The following BRCC3 variants were observed in gnomAD, a reference collection of about 807,000 sequenced individuals.
The protein encoded by BRCC3 is BRCA1/BRCA2-containing complex subunit 3.
In BRCC3, 15 loss-of-function variants were observed where a neutral mutation model predicts 28.0. The observed-to-expected ratio is 0.54, with a 90% CI of 0.36 to 0.82. The LOEUF (loss-of-function observed/expected upper bound fraction) is 0.82, where lower values mean the gene tolerates loss of function less well. Ranked by LOEUF, BRCC3 falls within the 40% of genes least tolerant of loss-of-function variation. The pLI is 0.01. For synonymous variants in BRCC3, 66 were observed against 80.3 expected (o/e 0.82, Z 0.95); for missense variants, 109 against 225.9 (o/e 0.48, Z 3.32).
chrX:155,110,489 A>C (rs1436708716), intron 7 of BRCC3, among the ~76,000 whole-genome samples: 4 of 109,786 alleles, frequency 3.6e-5, no homozygotes, highest in South Asian at 3.8e-4. Flanking sequence ...ATATCTTCTT[A>C]TTATTCTTTT....
rs1602796166 is a variant in BRCC3, at chrX:155,105,330, A to G, written c.549-10727A>G. ...AAACCCCATCTCTACTAAAAATACAAAAATTAGCCAAGTGTGGTGGCGCAT... is the reference window on the plus strand; with the variant it reads ...AAACCCCATCTCTACTAAAAATACAGAAATTAGCCAAGTGTGGTGGCGCAT... On this transcript the variant is annotated intron_variant, in intron 7 of 10. Coordinates refer to ENST00000330045, the MANE Select transcript of BRCC3 (RefSeq NM_001018055.3). Among the ~76,000 whole-genome samples, 3 of 111,272 alleles carry G rather than the reference A, an allele frequency of 2.7e-5. No homozygotes were observed. In the Admixed American group the frequency reaches 2.8e-4, roughly 11 times the overall value.
chrX:155,073,458 G>A (rs1557292935), intron 3 of BRCC3, 27 bp downstream of exon 3: 1 of 1,161,987 alleles, frequency 8.6e-7, no homozygotes, highest in Admixed American at 2.6e-5. Context: ...TTTGCATGAT[G>A]GAAACTTGCA....
intron 7 of BRCC3, chrX:155,099,360 C>T (rs782154929): frequency 1.9e-5 from 23 of 1,206,555 alleles, no homozygotes; most frequent in Middle Eastern, 2.3e-4. Flanking sequence ...GCCAGCACAT[C>T]TCCATTGAGG....
intron 7 of BRCC3, among the ~76,000 whole-genome samples, chrX:155,113,256 A>G (rs1263435657): frequency 9.3e-6 from 1 of 107,267 alleles, no homozygotes; most frequent in Non-Finnish European, 1.9e-5. Context: ...TGGGCAATTC[A>G]CACTGCCTGG....
intron 5 of BRCC3, among the ~76,000 whole-genome samples, chrX:155,083,613 C>G (rs2074099360): frequency 8.9e-6 from 1 of 112,265 alleles, no homozygotes; most frequent in African/African-American, 3.2e-5. Context: ...TACCATGTGT[C>G]AAAGTGCTGA....
chrX:155,098,387 G>C (rs1332108242), intron 7 of BRCC3, among the ~76,000 whole-genome samples: 1 of 112,290 alleles, frequency 8.9e-6, no homozygotes, highest in African/African-American at 3.2e-5. Flanking sequence ...GTTTAGACTT[G>C]AGGGAGGGAC....
intron 5 of BRCC3, among the ~76,000 whole-genome samples, chrX:155,084,182 T>A (rs1410231958): frequency 8.9e-6 from 1 of 112,544 alleles, no homozygotes; most frequent in African/African-American, 3.2e-5. Flanking sequence ...ATTTAAATGC[T>A]GCAGACTATT....
chrX:155,099,450 C>G (rs2124282819), intron 7 of BRCC3: 1 of 1,166,144 alleles, frequency 8.6e-7, no homozygotes, highest in Non-Finnish European at 1.1e-6. Flanking sequence ...GTGACCTTCC[C>G]AGAAGTCCCA....
At chrX:155,088,528 T>G (rs782709776) in intron 5 of BRCC3, among the ~76,000 whole-genome samples, 1 of 110,192 alleles carries the variant, frequency 9.1e-6, no homozygotes, top group South Asian at 3.9e-4. Context: ...TAATTTTGAA[T>G]TTTTAGTAGA....
At chrX:155,099,235 C>G (rs1302405322) in intron 7 of BRCC3, 4 of 1,005,494 alleles carry the variant, frequency 4.0e-6, no homozygotes, top group Non-Finnish European at 5.2e-6. Flanking sequence ...GATATCAGGT[C>G]TCAGGGCTCT....
At chrX:155,075,887 G>C (rs2074036808) in intron 3 of BRCC3, among the ~76,000 whole-genome samples, 2 of 112,080 alleles carry the variant, frequency 1.8e-5, no homozygotes, top group African/African-American at 3.2e-5. Context: ...AGTTGGGTAA[G>C]TTGTCTCCCA....
intron 2 of BRCC3, 24 bp from the exon 3 acceptor site, chrX:155,073,353 T>C (rs2074003347): frequency 8.7e-7 from 1 of 1,155,030 alleles, no homozygotes. Flanking sequence ...CTTCCTTTTT[T>C]TTTTTCTAAT....
At chrX:155,111,366 G>A (rs2074320611) in intron 7 of BRCC3, among the ~76,000 whole-genome samples, 1 of 111,616 alleles carries the variant, frequency 9.0e-6, no homozygotes, top group African/African-American at 3.2e-5. Context: ...AAGGGACAGA[G>A]TTTCAGAGAA....
At chrX:155,073,491 C>T in intron 3 of BRCC3, 60 bp downstream of exon 3, 1 of 1,114,663 alleles carries the variant, frequency 9.0e-7, no homozygotes, top group South Asian at 2.0e-5. Context: ...TTTCTGTAAT[C>T]CAGTGATCTC....
At chrX:155,097,114 A>C (rs1249753777) in intron 7 of BRCC3, among the ~76,000 whole-genome samples, 3 of 111,861 alleles carry the variant, frequency 2.7e-5, no homozygotes, top group Non-Finnish European at 5.6e-5. Flanking sequence ...TATGAATACG[A>C]CTCCAAAAGC....
rs3850323 is a variant in BRCC3 at position 155,076,222 on chromosome X, G to A, written c.196-948G>A. Among the ~76,000 whole-genome samples the A allele has an allele frequency of 6.2e-3, 684 of 110,142 alleles. 4 individuals carry two copies. Among genetic ancestry groups the A allele is most frequent in the African/African-American group, 0.021 (626 of 30,191 alleles). On this transcript the variant is annotated intron_variant, in intron 3 of 10. Coordinates refer to ENST00000330045, the MANE Select transcript of BRCC3 (RefSeq NM_001018055.3). Reference sequence around the variant, plus strand: ...AGTTTGAGACCAGCCTAGCCAATATGGCTACCAAAAAATACAAAAAGCCGG... The same window carrying A: ...AGTTTGAGACCAGCCTAGCCAATATAGCTACCAAAAAATACAAAAAGCCGG...
chrX:155,075,349 CAAGA>C lies in BRCC3; in HGVS notation c.196-1820_196-1817del, dbSNP rs1569560435. ...TGTGGCCACTCCCCTTGATTCAGGC[CAAGA>C]CCTCTGCTCCCTTTCTCCACACCTT... On this transcript the variant is annotated intron_variant, in intron 3 of 10. Coordinates refer to ENST00000330045, the MANE Select transcript of BRCC3 (RefSeq NM_001018055.3). Among the ~76,000 whole-genome samples, 26 of 55,312 alleles carry C rather than the reference CAAGA, an allele frequency of 4.7e-4. 1 individual carries two copies. The highest frequency in any genetic ancestry group is 3.9e-3 in the Admixed American group (21 of 5,339). 48.0% of individuals were successfully genotyped at this position (55,312 alleles called of 115,157 possible). A position where few individuals can be genotyped will look rare whatever the true frequency, so the allele number is the denominator to read the frequency against.
intron 7 of BRCC3, among the ~76,000 whole-genome samples, chrX:155,111,491 C>T (rs1263142093): frequency 8.9e-6 from 1 of 111,807 alleles, no homozygotes; most frequent in African/African-American, 3.2e-5. Flanking sequence ...AACAACTGTG[C>T]CATGATAATT....
chrX:155,103,451 C>A (rs1557297096), intron 7 of BRCC3, among the ~76,000 whole-genome samples: 1 of 112,000 alleles, frequency 8.9e-6, no homozygotes. Flanking sequence ...GTAAAGAACT[C>A]TAGGTTGCCT....
Sources: allele counts gnomAD v4.1 joint callset (sites outside exome capture counted in the v4.1 genomes callset), GRCh38; gene constraint gnomAD v4.1.1; transcripts MANE v1.5; gene names NCBI Gene and HGNC (gene_info 2026-07-23, HGNC 2026-07-21).